The following DSCAML1 variants were observed in gnomAD, a reference collection of about 807,000 sequenced individuals.
DSCAML1 encodes the protein DS cell adhesion molecule like 1, also known as cell adhesion molecule DSCAML1.
A neutral mutation model predicts 200.5 loss-of-function variants in DSCAML1; 38 were observed. The ratio of observed to expected loss-of-function variants is 0.19; its 90% CI spans 0.15 to 0.25. The LOEUF (loss-of-function observed/expected upper bound fraction) is 0.25, where lower values mean the gene tolerates loss of function less well. Ranked by LOEUF, DSCAML1 falls within the 10% of genes least tolerant of loss-of-function variation. The pLI is 1.00. For missense variants in DSCAML1, 2,223 were observed against 2,858.8 expected (o/e 0.78, Z 5.07); for synonymous variants, 1,215 against 1,165.0 (o/e 1.04, Z -0.87).
intron 3 of DSCAML1, among the ~76,000 whole-genome samples, chr11:117,607,374 G>C (rs1377598109): frequency 2.0e-5 from 3 of 152,172 alleles, no homozygotes; most frequent in Non-Finnish European, 2.9e-5. Context: ...TGTAGGTCTA[G>C]TGTTCTGGCC....
intron 14 of DSCAML1, among the ~76,000 whole-genome samples, chr11:117,475,369 G>C (rs1233339486): frequency 1.3e-5 from 2 of 152,136 alleles, no homozygotes; most frequent in African/African-American, 4.8e-5. Context: ...TCAGGATAAA[G>C]GTAAAATTTC....
chr11:117,507,474 G>C (rs1300240678), intron 8 of DSCAML1, among the ~76,000 whole-genome samples: 2 of 152,218 alleles, frequency 1.3e-5, no homozygotes, highest in African/African-American at 2.4e-5. Context: ...TGTGGACACA[G>C]AAAAACCCAG....
chr11:117,550,419 G>A (rs547972324), intron 3 of DSCAML1, among the ~76,000 whole-genome samples: 132 of 151,642 alleles, frequency 8.7e-4, no homozygotes, highest in African/African-American at 3.1e-3. Context: ...CACCTCCCTG[G>A]CCCCAGTGTC....
chr11:117,504,162 G>T lies in DSCAML1; in HGVS notation c.2183-141C>A. ...GCTGCACCATCCCCAAAGTGCTGAG[G>T]CCACATGGCTCCTGGTGGGCAACAG... On this transcript the variant is annotated intron_variant, in intron 10 of 32. Coordinates refer to ENST00000651296, the MANE Select transcript of DSCAML1 (RefSeq NM_020693.4). The surrounding 1 kb of genome is among the most constrained non-coding windows in gnomAD (Gnocchi z 5.0). 2.0e-6 allele frequency: 2 copies of T among 991,392 alleles called. No homozygotes were observed. Among genetic ancestry groups the T allele is most frequent in the Non-Finnish European group, 2.9e-6 (2 of 684,794 alleles). The allele number at this position is 991,392 out of a possible 1,614,324, so 61.4% of individuals were successfully genotyped here. A position where few individuals can be genotyped will look rare whatever the true frequency, so the allele number is the denominator to read the frequency against.
intron 3 of DSCAML1, among the ~76,000 whole-genome samples, chr11:117,725,026 G>T (rs2054100942): frequency 6.6e-6 from 1 of 152,152 alleles, no homozygotes; most frequent in Admixed American, 6.5e-5. Flanking sequence ...GCAGAGGTGG[G>T]CCCAGTACTA....
intron 3 of DSCAML1, among the ~76,000 whole-genome samples, chr11:117,736,751 C>T (rs2054323162): frequency 6.6e-6 from 1 of 152,016 alleles, no homozygotes; most frequent in Non-Finnish European, 1.5e-5. Flanking sequence ...AACCATTGGC[C>T]CCATCTCCTC....
Position 117,629,038 on chromosome 11 carries a change from G to A in DSCAML1, c.512-96516C>T, listed in dbSNP as rs1476407831. 2.0e-5 allele frequency among the ~76,000 whole-genome samples: 3 copies of A among 152,170 alleles called. No homozygotes were observed. In the East Asian group the frequency reaches 5.8e-4, roughly 29 times the overall value. ...TGCAGTGGTCAGGATGGGCATCAGA[G>A]CCAGCAGGCCCTGAGCACGGCTAAC... On this transcript the variant is annotated intron_variant, in intron 3 of 32. Transcript: ENST00000651296.
intron 1 of DSCAML1, among the ~76,000 whole-genome samples, chr11:117,814,786 G>GTC (rs566134736): frequency 1.6e-4 from 24 of 152,354 alleles, no homozygotes; most frequent in Admixed American, 5.2e-4. Flanking sequence ...TTGAACAGCG[G>GTC]AGGCCCAGCC....
rs73018351 is a variant in DSCAML1 at position 117,452,521 on chromosome 11, A to C, written c.3569-1833T>G. Among the ~76,000 whole-genome samples, 184 of 152,290 alleles carry C rather than the reference A, an allele frequency of 1.2e-3. 2 individuals are homozygous for C. The highest frequency in any genetic ancestry group is 6.3e-4 in the Non-Finnish European group (43 of 68,026). ...TTTAGACATCTCCTGTAAACAGTACATATTTGGGTATTGTTTTTCACCTAC... is the reference window on the plus strand; with the variant it reads ...TTTAGACATCTCCTGTAAACAGTACCTATTTGGGTATTGTTTTTCACCTAC... On this transcript the variant is annotated intron_variant, in intron 19 of 32. Transcript: ENST00000651296.
chr11:117,452,456 AT>A (rs1365807787), intron 19 of DSCAML1, among the ~76,000 whole-genome samples: 1 of 152,012 alleles, frequency 6.6e-6, no homozygotes, highest in African/African-American at 2.4e-5. Flanking sequence ...GATATGTCTT[AT>A]TTTTTCCATT....
chr11:117,498,054 C>T lies in DSCAML1; in HGVS notation c.2359+5791G>A, dbSNP rs1236427950. Among the ~76,000 whole-genome samples the T allele has an allele frequency of 6.6e-6, 1 of 152,226 alleles. No homozygotes were observed. Among genetic ancestry groups the T allele is most frequent in the Non-Finnish European group, 1.5e-5 (1 of 68,044 alleles). ...AGAGGTCCGTCAGCCAGTCCAGATTCCAGAGTGGGCAAAGGCCTGTGCTGA... is the reference window on the plus strand; with the variant it reads ...AGAGGTCCGTCAGCCAGTCCAGATTTCAGAGTGGGCAAAGGCCTGTGCTGA... On this transcript the variant is annotated intron_variant, in intron 11 of 32. Transcript: ENST00000651296. The surrounding 1 kb of genome is among the most constrained non-coding windows in gnomAD (Gnocchi z 4.0).
intron 2 of DSCAML1, 84 bp from the exon 3 acceptor site, chr11:117,777,021 A>C: frequency 2.9e-4 from 410 of 1,393,796 alleles, no homozygotes; most frequent in Non-Finnish European, 3.8e-4. Flanking sequence ...GAGTCAGCTC[A>C]ACTCCCTCTG....
intron 1 of DSCAML1, among the ~76,000 whole-genome samples, chr11:117,796,423 T>C (rs2055577073): frequency 6.6e-6 from 1 of 151,378 alleles, no homozygotes; most frequent in Admixed American, 6.6e-5. Context: ...CGGGGGAGGG[T>C]GACCTCTGGG....
At chr11:117,711,408 C>T (rs191688837) in intron 3 of DSCAML1, among the ~76,000 whole-genome samples, 113 of 152,290 alleles carry the variant, frequency 7.4e-4, no homozygotes, top group African/African-American at 2.2e-3. Flanking sequence ...GAGCCAGCTG[C>T]GTGGCTTGAT....
intron 3 of DSCAML1, among the ~76,000 whole-genome samples, chr11:117,712,957 T>G (rs554796427): frequency 3.9e-5 from 6 of 152,196 alleles, no homozygotes; most frequent in African/African-American, 1.2e-4. Context: ...TGAAAGATTC[T>G]GCTGTTTTCT....
intron 21 of DSCAML1, 26 bp from the exon 22 acceptor site, chr11:117,439,962 A>G: frequency 6.4e-7 from 1 of 1,564,602 alleles, no homozygotes; most frequent in South Asian, 1.1e-5. Flanking sequence ...GATGAGGGCC[A>G]CTCCACTTCT....
intron 3 of DSCAML1, among the ~76,000 whole-genome samples, chr11:117,766,780 C>A (rs1308802273): frequency 2.6e-5 from 4 of 152,152 alleles, no homozygotes; most frequent in African/African-American, 9.7e-5. Flanking sequence ...GCCAGAGGCA[C>A]CTGTGAACAC....
At position 117,797,105 on chromosome 11, in the gene DSCAML1, G is replaced by A; in HGVS notation, c.-26C>T. 10 of 1,589,310 alleles carry A rather than the reference G, an allele frequency of 6.3e-6. No individual in the cohort carries two copies. Among genetic ancestry groups the A allele is most frequent in the Non-Finnish European group, 8.6e-6 (10 of 1,168,596 alleles). On this transcript the variant is annotated 5_prime_UTR_variant, in exon 1 of 33. Coordinates refer to ENST00000651296, the MANE Select transcript of DSCAML1 (RefSeq NM_020693.4). ...GCCATAAAGAGGCCCTATTCTCCGG[G>A]GAGGTGGTCCTGTGGCCGGCCGTGC...
rs71037492 is a variant in DSCAML1 at position 117,687,426 on chromosome 11, A to ATTTTTTTTTTT, written c.511+89354_511+89364dup. On this transcript the variant is annotated intron_variant, in intron 3 of 32. Transcript: ENST00000651296. ...CAGGTGTGCTCCACCATGCCTGGCT[A>ATTTTTTTTTTT]TTTTTTTTTTTTTTTTTTTTTTAGA... Among the ~76,000 whole-genome samples the ATTTTTTTTTTT allele has an allele frequency of 1.8e-3, 174 of 97,642 alleles. 8 individuals carry two copies. Among genetic ancestry groups the ATTTTTTTTTTT allele is most frequent in the Non-Finnish European group, 3.0e-3 (156 of 51,486 alleles). The allele number at this position is 97,642 out of a possible 152,430, so 64.1% of individuals were successfully genotyped here.
Sources: allele counts gnomAD v4.1 joint callset (sites outside exome capture counted in the v4.1 genomes callset), GRCh38; gene constraint gnomAD v4.1.1; non-coding constraint Gnocchi (gnomAD v3.1); transcripts MANE v1.5; gene names NCBI Gene and HGNC (gene_info 2026-07-23, HGNC 2026-07-21).